LRP6: variants seen among roughly 807,000 people sequenced by gnomAD.
LRP6 encodes low-density lipoprotein receptor-related protein 6.
A neutral mutation model predicts 184.1 loss-of-function variants in LRP6; 43 were observed. The observed-to-expected ratio is 0.23, with a 90% CI of 0.18 to 0.30. The LOEUF (loss-of-function observed/expected upper bound fraction) is 0.30. LRP6 is among the 10% of genes least tolerant of loss of function. The pLI, the probability that LRP6 is intolerant of heterozygous loss-of-function variation, is 1.00. For missense variants in LRP6, 1,571 were observed against 2,005.3 expected, an observed-to-expected ratio of 0.78 and a Z score of 4.14; for synonymous variants, 719 against 684.9, an observed-to-expected ratio of 1.05 and a Z score of -0.78.
chr12:12,266,841 TC>T lies in LRP6; in HGVS notation c.-107del. On this transcript the variant is annotated 5_prime_UTR_variant, in exon 1 of 23. Coordinates refer to ENST00000261349, the MANE Select transcript of LRP6 (RefSeq NM_002336.3). The stretch of plus-strand genomic sequence containing the variant: ...AGCGGCAGGGCTGCACGCTCATACT[TC>T]CCAGCTTCCCAGCGAGAGAAGAAAG... 1 of 876,246 alleles carries T rather than the reference TC, an allele frequency of 1.1e-6. No homozygotes were observed. 54.3% of individuals were successfully genotyped at this position (876,246 alleles called of 1,614,324 possible).
rs868146560 is a variant in LRP6 at position 12,120,012 on chromosome 12, T to C, written c.*1114A>G. 2.2e-4 allele frequency: 21 copies of C among 95,928 alleles called. 1 individual carries two copies. The highest frequency in any genetic ancestry group is 3.3e-4 in the South Asian group (1 of 2,986). 5.9% of individuals were successfully genotyped at this position (95,928 alleles called of 1,614,324 possible). A position where few individuals can be genotyped will look rare whatever the true frequency, so the allele number is the denominator to read the frequency against. Reference sequence around the variant, plus strand: ...CAAAATATATATATATATATATATATATATATATATATATATATATATATA... The same window carrying C: ...CAAAATATATATATATATATATATACATATATATATATATATATATATATA... On this transcript the variant is annotated 3_prime_UTR_variant, in exon 23 of 23. Coordinates refer to ENST00000261349, the MANE Select transcript of LRP6 (RefSeq NM_002336.3).
At chr12:12,163,957 C>A (rs976685134) in intron 9 of LRP6, among the ~76,000 whole-genome samples, 3 of 152,080 alleles carry the variant, frequency 2.0e-5, no homozygotes, top group African/African-American at 7.2e-5. Context: ...TGGTGAAACC[C>A]CGTCACTACT....
At chr12:12,198,297 T>G (rs1319144875) in intron 3 of LRP6, among the ~76,000 whole-genome samples, 2 of 152,076 alleles carry the variant, frequency 1.3e-5, no homozygotes, top group African/African-American at 4.8e-5. Context: ...TTCCAAAGAG[T>G]CTTATTATCT....
chr12:12,121,020 G>A lies in LRP6; in HGVS notation c.*106C>T, dbSNP rs1296612075. The stretch of plus-strand genomic sequence containing the variant: ...CCATTTTATAATTTTAACTGTACAT[G>A]GTCTGCCTCATCCTTCTCTAATAGC... On this transcript the variant is annotated 3_prime_UTR_variant, in exon 23 of 23. Transcript: ENST00000261349. 2 of 916,180 alleles carry A rather than the reference G, an allele frequency of 2.2e-6. No homozygotes were observed. The highest frequency in any genetic ancestry group is 1.7e-5 in the African/African-American group (1 of 59,232). The allele number at this position is 916,180 out of a possible 1,614,324, so 56.8% of individuals were successfully genotyped here. A position where few individuals can be genotyped will look rare whatever the true frequency, so the allele number is the denominator to read the frequency against.
chr12:12,135,977 G>A (rs945482456), intron 16 of LRP6, among the ~76,000 whole-genome samples: 3 of 152,018 alleles, frequency 2.0e-5, no homozygotes, highest in East Asian at 1.9e-4. Context: ...CTGAACTCAG[G>A]AGTTCAAGAC....
chr12:12,249,392 C>T, intron 1 of LRP6: 1 of 904,602 alleles, frequency 1.1e-6, no homozygotes. Context: ...AAATATGAAA[C>T]TCCCTCAGCC....
chr12:12,139,141 G>GA (rs1258467375), intron 15 of LRP6, among the ~76,000 whole-genome samples: 6 of 151,936 alleles, frequency 3.9e-5, no homozygotes, highest in Admixed American at 1.3e-4. Context: ...CACTCAAAAA[G>GA]AAAAAATATA....
intron 17 of LRP6, 91 bp downstream of exon 17, chr12:12,135,084 G>A: frequency 6.3e-7 from 1 of 1,583,358 alleles, no homozygotes; most frequent in Non-Finnish European, 8.6e-7. Flanking sequence ...AGTAGACAGA[G>A]CAACTTCAAT....
intron 2 of LRP6, among the ~76,000 whole-genome samples, chr12:12,240,515 T>C (rs564418490): frequency 5.7e-4 from 87 of 152,164 alleles, no homozygotes; most frequent in African/African-American, 2.0e-3. Context: ...GAGCTTGCAG[T>C]GAGCCAAGAT....
At chr12:12,246,757 A>G (rs1322805823) in intron 1 of LRP6, among the ~76,000 whole-genome samples, 2 of 152,160 alleles carry the variant, frequency 1.3e-5, no homozygotes, top group East Asian at 1.9e-4. Flanking sequence ...CAACTGTGTC[A>G]TCTGAAGCCA....
chr12:12,151,378 C>T (rs775243244), intron 12 of LRP6, among the ~76,000 whole-genome samples: 3 of 151,870 alleles, frequency 2.0e-5, no homozygotes, highest in Non-Finnish European at 4.4e-5. Flanking sequence ...TAACCCTTAA[C>T]CTATTCTGTC....
chr12:12,216,605 T>C (rs1864351258), intron 2 of LRP6, among the ~76,000 whole-genome samples: 1 of 151,724 alleles, frequency 6.6e-6, no homozygotes. Flanking sequence ...AATTCTGATA[T>C]TTTGTTATAG....
intron 22 of LRP6, among the ~76,000 whole-genome samples, chr12:12,123,659 C>A (rs143768420): frequency 1.4e-3 from 206 of 152,312 alleles, no homozygotes; most frequent in African/African-American, 4.1e-3. Flanking sequence ...TTTCAAGGAA[C>A]ATAGAAGTGG....
chr12:12,140,749 A>G (rs7310632), intron 15 of LRP6, among the ~76,000 whole-genome samples: 10,854 of 151,656 alleles, frequency 0.072, 1,212 homozygotes, highest in African/African-American at 0.24. Flanking sequence ...GATTACTCGC[A>G]CCCGTCACCA....
At chr12:12,134,947 T>A (rs1315771085) in intron 17 of LRP6, among the ~76,000 whole-genome samples, 1 of 151,996 alleles carries the variant, frequency 6.6e-6, no homozygotes, top group African/African-American at 2.4e-5. Context: ...ATCTCACACG[T>A]GGAGTGTAAA....
intron 3 of LRP6, among the ~76,000 whole-genome samples, chr12:12,199,517 T>A (rs1292697621): frequency 6.6e-6 from 1 of 152,124 alleles, no homozygotes; most frequent in East Asian, 1.9e-4. Context: ...AACAAAAATG[T>A]GTTTACAGAG....
intron 2 of LRP6, among the ~76,000 whole-genome samples, chr12:12,215,275 C>T (rs1158758581): frequency 6.6e-6 from 1 of 152,024 alleles, no homozygotes; most frequent in Non-Finnish European, 1.5e-5. Flanking sequence ...AAATAAATAT[C>T]ACAGGTTCTC....
At chr12:12,242,621 A>G (rs1865094954) in intron 2 of LRP6, among the ~76,000 whole-genome samples, 1 of 152,150 alleles carries the variant, frequency 6.6e-6, no homozygotes, top group Admixed American at 6.5e-5. Flanking sequence ...TCAACAACCA[A>G]ATTCTTTGAT....
intron 17 of LRP6, among the ~76,000 whole-genome samples, chr12:12,132,407 GT>G (rs1172844378): frequency 1.3e-5 from 2 of 152,150 alleles, no homozygotes; most frequent in African/African-American, 2.4e-5. Flanking sequence ...GCACTCAAAA[GT>G]TTTCTAGCTC....
Sources: gnomAD v4.1 joint callset for allele counts (sites outside exome capture counted in the v4.1 genomes callset) on GRCh38, gnomAD v4.1.1 for gene constraint, MANE v1.5 for transcripts, NCBI Gene and HGNC (gene_info 2026-07-23, HGNC 2026-07-21) for gene names.